Variants in CA10 observed in about 807,000 individuals in gnomAD.
The protein encoded by CA10 is carbonic anhydrase-related protein 10.
Under a neutral mutation model 44.2 loss-of-function variants are expected in CA10, and 14 were observed. That is an observed-to-expected ratio of 0.32 (90% CI 0.21 to 0.50). The LOEUF is 0.50. Among genes scored for constraint, CA10 ranks in the 20% least tolerant of loss-of-function variants. The probability of loss-of-function intolerance (pLI) is 0.99; values close to 1 mark genes in which losing one functional copy is unlikely to be tolerated. For synonymous variants in CA10, 159 were observed against 141.6 expected, an observed-to-expected ratio of 1.12 and a Z score of -0.87; for missense variants, 350 against 409.7, an observed-to-expected ratio of 0.85 and a Z score of 1.26.
intron 6 of CA10, among the ~76,000 whole-genome samples, chr17:51,637,667 G>A (rs951991770): frequency 6.6e-6 from 1 of 152,152 alleles, no homozygotes; most frequent in Non-Finnish European, 1.5e-5. Context: ...ACCTCACATT[G>A]ACTCAATAAA....
intron 1 of CA10, among the ~76,000 whole-genome samples, chr17:52,108,681 CAG>C (rs1049738904): frequency 3.4e-5 from 4 of 116,760 alleles, no homozygotes; most frequent in Non-Finnish European, 5.0e-5. Context: ...GCCTGGGTGA[CAG>C]GGGGAGACTC....
chr17:51,663,331 G>A (rs1463691734), intron 4 of CA10, among the ~76,000 whole-genome samples: 3 of 151,728 alleles, frequency 2.0e-5, no homozygotes, highest in Admixed American at 6.6e-5. Context: ...CCTGCACGAC[G>A]TCTAGATCCT....
rs11869808 is a variant in CA10, at chr17:52,103,262, A to T, written c.62-30869T>A. Among the ~76,000 whole-genome samples, 1,317 of 152,252 alleles carry T rather than the reference A, an allele frequency of 8.7e-3. 8 individuals carry two copies. The highest frequency in any genetic ancestry group is 0.013 in the Non-Finnish European group (888 of 68,026). ...GCGTTATTGTTTTCTTTCTTTGGGA[A>T]CCACCTGTGGTTAGATAATTAAGGC... is the stretch of plus-strand genomic sequence containing the variant. On this transcript the variant is annotated intron_variant, in intron 1 of 8. Transcript: ENST00000451037.
upstream of CA10, chr17:52,159,859 C>T (rs1989904420): frequency 6.6e-6 from 1 of 152,218 alleles, no homozygotes; most frequent in African/African-American, 2.4e-5. Flanking sequence ...AGGGGAAAGA[C>T]AAAATCTCAA....
Position 51,809,659 on chromosome 17 carries a change from C to T in CA10, c.280-61841G>A, listed in dbSNP as rs539575202. ...ACTCCTCAGTAGCTGGCAAAGCTTT[C>T]CTGAACAATGGAGGACCTCACTGGG... is the stretch of plus-strand genomic sequence containing the variant. On this transcript the variant is annotated intron_variant, in intron 3 of 8. Coordinates refer to ENST00000451037, the MANE Select transcript of CA10 (RefSeq NM_020178.5). Among the ~76,000 whole-genome samples, 39 of 152,246 alleles carry T rather than the reference C, an allele frequency of 2.6e-4. 1 individual carries two copies. The East Asian group carries it at 7.5e-3, about 29-fold the overall frequency.
At chr17:51,827,981 C>T (rs889586920) in intron 3 of CA10, among the ~76,000 whole-genome samples, 1 of 152,200 alleles carries the variant, frequency 6.6e-6, no homozygotes, top group African/African-American at 2.4e-5. Context: ...ACTTGGAAAC[C>T]TTGCATTGAA....
chr17:51,643,759 G>A (rs1447499615), intron 6 of CA10, among the ~76,000 whole-genome samples: 3 of 152,174 alleles, frequency 2.0e-5, no homozygotes, highest in Non-Finnish European at 2.9e-5. Context: ...TCCCCTGAGG[G>A]AAGCTGGATT....
At chr17:51,784,087 T>C (rs1302488930) in intron 3 of CA10, among the ~76,000 whole-genome samples, 1 of 152,094 alleles carries the variant, frequency 6.6e-6, no homozygotes, top group Non-Finnish European at 1.5e-5. Context: ...CTACCTCTCC[T>C]TGTCTAGGGG....
intron 3 of CA10, among the ~76,000 whole-genome samples, chr17:51,785,349 G>A (rs1414668885): frequency 6.6e-6 from 1 of 152,160 alleles, no homozygotes; most frequent in Non-Finnish European, 1.5e-5. Context: ...ACTTAAAAAT[G>A]AGCAAAATAT....
Position 52,051,943 on chromosome 17 carries a change from C to T in CA10, c.136+20376G>A, listed in dbSNP as rs548114109. Among the ~76,000 whole-genome samples the T allele has an allele frequency of 3.3e-5, 5 of 151,954 alleles. No individual in the cohort carries two copies. The South Asian group carries it at 6.2e-4, about 19-fold the overall frequency. On this transcript the variant is annotated intron_variant, in intron 2 of 8. Transcript: ENST00000451037. The stretch of plus-strand genomic sequence containing the variant: ...TACATATACACCATGGAATACTAGG[C>T]GGCCATAAAAAAGAACAAGATCACG...
Position 51,937,976 on chromosome 17 carries a change from C to T in CA10, c.137-6844G>A, listed in dbSNP as rs118130178. On this transcript the variant is annotated intron_variant, in intron 2 of 8. Transcript: ENST00000451037. ...CCTAACAACTAAGATGGATTATCAC[C>T]GGAATGCCAACTATTATACAGGGAA... Among the ~76,000 whole-genome samples, 23 of 152,180 alleles carry T rather than the reference C, an allele frequency of 1.5e-4. 1 individual carries two copies. In the East Asian group the frequency reaches 4.1e-3, roughly 27 times the overall value.
At chr17:52,050,783 G>T (rs1309161135) in intron 2 of CA10, among the ~76,000 whole-genome samples, 1 of 151,934 alleles carries the variant, frequency 6.6e-6, no homozygotes, top group Non-Finnish European at 1.5e-5. Context: ...TCCCAGCAAG[G>T]CCCCCCAACT....
At chr17:51,820,407 C>CA in intron 3 of CA10, among the ~76,000 whole-genome samples, 1 of 14,624 alleles carries the variant, frequency 6.8e-5, no homozygotes, top group African/African-American at 1.7e-4. Context: ...ATTCCCCTAC[C>CA]CCCCCCCCCC....
intron 3 of CA10, among the ~76,000 whole-genome samples, chr17:51,849,207 A>ATATATATATACATATATG (rs1978658403): frequency 2.7e-4 from 11 of 40,780 alleles, no homozygotes; most frequent in African/African-American, 6.3e-4. Flanking sequence ...ACATATATGT[A>ATATATATATACATATATG]TATATATATA....
At chr17:51,640,841 C>T (rs1567785012) in intron 6 of CA10, among the ~76,000 whole-genome samples, 1 of 152,158 alleles carries the variant, frequency 6.6e-6, no homozygotes, top group Non-Finnish European at 1.5e-5. Context: ...GCGTTATCGT[C>T]TGGGCATTAT....
At chr17:51,759,668 C>A (rs1291799381) in intron 3 of CA10, among the ~76,000 whole-genome samples, 6 of 152,042 alleles carry the variant, frequency 3.9e-5, no homozygotes, top group African/African-American at 1.4e-4. Flanking sequence ...ACCCCCCATT[C>A]TGCCTCAGTA....
At chr17:51,764,485 G>A (rs1905299757) in intron 3 of CA10, among the ~76,000 whole-genome samples, 1 of 152,212 alleles carries the variant, frequency 6.6e-6, no homozygotes, top group Non-Finnish European at 1.5e-5. Context: ...CCCTGACACA[G>A]GACAGGGCAG....
In CA10 at chr17:51,809,643, T is replaced by C. The variant is rs531227110; in HGVS notation, c.280-61825A>G. ...GCTGCAGGACTGACAAACTCCTCAG[T>C]AGCTGGCAAAGCTTTCCTGAACAAT... On this transcript the variant is annotated intron_variant, in intron 3 of 8. Coordinates refer to ENST00000451037, the MANE Select transcript of CA10 (RefSeq NM_020178.5). Among the ~76,000 whole-genome samples, 26 of 152,310 alleles carry C rather than the reference T, an allele frequency of 1.7e-4. No individual in the cohort carries two copies. The South Asian group carries it at 5.2e-3, about 30-fold the overall frequency.
Position 51,685,962 on chromosome 17 carries a change from G to T in CA10, c.466-32226C>A, listed in dbSNP as rs112099704. Among the ~76,000 whole-genome samples, 1,168 of 152,280 alleles carry T rather than the reference G, an allele frequency of 7.7e-3. 20 individuals are homozygous for T. Among genetic ancestry groups the T allele is most frequent in the African/African-American group, 0.027 (1,123 of 41,548 alleles). On this transcript the variant is annotated intron_variant, in intron 4 of 8. Transcript: ENST00000451037. ...CTCCTCTGCTCAACCTCCAAACCTGGGGTGCCCCAGGGATTGGGGGGCTAA... is the reference window on the plus strand; with the variant it reads ...CTCCTCTGCTCAACCTCCAAACCTGTGGTGCCCCAGGGATTGGGGGGCTAA...
Sources: allele counts gnomAD v4.1 joint callset (sites outside exome capture counted in the v4.1 genomes callset), GRCh38; gene constraint gnomAD v4.1.1; transcripts MANE v1.5; gene names NCBI Gene and HGNC (gene_info 2026-07-23, HGNC 2026-07-21).